MGAM2: variants seen among roughly 807,000 people sequenced by gnomAD.
MGAM2 encodes probable maltase-glucoamylase 2.
A neutral mutation model predicts 96.1 loss-of-function variants in MGAM2; 98 were observed. The observed-to-expected ratio is 1.02, with a 90% CI of 0.87 to 1.21. MGAM2 has a LOEUF of 1.21. Ranked by LOEUF, MGAM2 falls within the 50% of genes most tolerant of loss-of-function variation. MGAM2 has a pLI of 0.00. For missense variants in MGAM2, 2,055 were observed against 1,182.4 expected, an observed-to-expected ratio of 1.74 and a Z score of -10.82; for synonymous variants, 749 against 414.8, an observed-to-expected ratio of 1.81 and a Z score of -9.79.
At chr7:142,132,978 CAT>C (rs1353629226) in intron 6 of MGAM2, among the ~76,000 whole-genome samples, 1 of 129,408 alleles carries the variant, frequency 7.7e-6, no homozygotes, top group East Asian at 2.3e-4. Flanking sequence ...AAATATTTAA[CAT>C]ATATTTAATA....
chr7:142,193,055 A>G (rs1409766581), intron 37 of MGAM2, among the ~76,000 whole-genome samples: 1 of 152,154 alleles, frequency 6.6e-6, no homozygotes, highest in Non-Finnish European at 1.5e-5. Flanking sequence ...GCTTTTGCCT[A>G]TATCCTCCTC....
intron 45 of MGAM2, among the ~76,000 whole-genome samples, chr7:142,201,071 C>CTTTTTTTTTTTTTTTTTTTTTTTTTTTTT (rs72092512): frequency 2.4e-5 from 2 of 84,364 alleles, no homozygotes; most frequent in Non-Finnish European, 4.3e-5. Context: ...CATCCTTTTT[C>CTTTTTTTTTTTTTTTTTTTTTTTTTTTTT]TTTTTTTTTT....
intron 19 of MGAM2, among the ~76,000 whole-genome samples, chr7:142,158,891 T>C (rs931863923): frequency 6.6e-6 from 1 of 152,174 alleles, no homozygotes; most frequent in African/African-American, 2.4e-5. Context: ...ATTGCCAGTG[T>C]AGCCATGTCA....
In MGAM2 at chr7:142,148,702, C is replaced by T. The variant is rs1795462914; in HGVS notation, c.1634+1129C>T. Among the ~76,000 whole-genome samples, 1 of 152,228 alleles carries T rather than the reference C, an allele frequency of 6.6e-6. No individual in the cohort carries two copies. Among genetic ancestry groups the T allele is most frequent in the South Asian group, 2.1e-4 (1 of 4,836 alleles). ...TGAATTTGCAGCACAGATGCGGAAA[C>T]TAAAGAGCTGCTGTGGATCCTCCAG... On this transcript the variant is annotated intron_variant, in intron 15 of 47. Transcript: ENST00000477922. The surrounding 1 kb of genome is among the most constrained non-coding windows in gnomAD (Gnocchi z 4.2).
At chr7:142,196,976 C>G (rs1341852897) in intron 40 of MGAM2, among the ~76,000 whole-genome samples, 160 bp downstream of exon 40, 1 of 152,168 alleles carries the variant, frequency 6.6e-6, no homozygotes, top group Non-Finnish European at 1.5e-5. Context: ...CTGGAATTAT[C>G]AGTAATTTTT....
At chr7:142,153,545 C>A (rs747805911) in intron 15 of MGAM2, among the ~76,000 whole-genome samples, 1 of 152,094 alleles carries the variant, frequency 6.6e-6, no homozygotes, top group Non-Finnish European at 1.5e-5. Context: ...CAGAGGTGTA[C>A]CAGCTGGTGC....
intron 21 of MGAM2, 69 bp from the exon 22 acceptor site, chr7:142,161,056 G>T: frequency 1.5e-6 from 1 of 688,040 alleles, no homozygotes; most frequent in Non-Finnish European, 2.7e-6. Context: ...CCTGGGGGAT[G>T]AAGGTGGCTG....
At chr7:142,180,842 G>A (rs1796515625) in intron 32 of MGAM2, among the ~76,000 whole-genome samples, 1 of 152,072 alleles carries the variant, frequency 6.6e-6, no homozygotes. Context: ...GTTAATACTT[G>A]CAATTGTGTT....
intron 26 of MGAM2, among the ~76,000 whole-genome samples, chr7:142,169,538 C>T (rs1383775366): frequency 6.6e-6 from 1 of 152,156 alleles, no homozygotes; most frequent in Non-Finnish European, 1.5e-5. Flanking sequence ...CCTTCCATAA[C>T]ATTTTTCACT....
chr7:142,112,337 A>G (rs1254568786), intron 1 of MGAM2, among the ~76,000 whole-genome samples: 1 of 152,152 alleles, frequency 6.6e-6, no homozygotes, highest in Non-Finnish European at 1.5e-5. Flanking sequence ...TTCCTGAGCT[A>G]AGGTGCTGAA....
intron 8 of MGAM2, among the ~76,000 whole-genome samples, 154 bp downstream of exon 8, chr7:142,136,794 T>C (rs6950381): frequency 0.11 from 16,820 of 152,216 alleles, 1,891 homozygotes; most frequent in African/African-American, 0.29. Flanking sequence ...AGTAGGTTAA[T>C]CTGTCTACAA....
chr7:142,172,257 T>G lies in MGAM2; in HGVS notation c.3448+63T>G, dbSNP rs146410241. On this transcript the variant is annotated intron_variant, in intron 29 of 47. Coordinates refer to ENST00000477922, the MANE Select transcript of MGAM2 (RefSeq NM_001293626.2). Reference sequence around the variant, plus strand: ...CAGCTGTGACCGCTCTATTTTGACCTGGTATCAATAGAAATAGAGACATTC... The same window carrying G: ...CAGCTGTGACCGCTCTATTTTGACCGGGTATCAATAGAAATAGAGACATTC... The G allele has an allele frequency of 7.7e-3, 4,979 of 647,480 alleles. 60 individuals are homozygous for G. Among genetic ancestry groups the G allele is most frequent in the East Asian group, 0.027 (989 of 36,142 alleles). 40.1% of individuals were successfully genotyped at this position (647,480 alleles called of 1,614,324 possible). A position where few individuals can be genotyped will look rare whatever the true frequency, so the allele number is the denominator to read the frequency against.
At chr7:142,160,904 C>T (rs1024540681) in intron 21 of MGAM2, among the ~76,000 whole-genome samples, 1 of 152,214 alleles carries the variant, frequency 6.6e-6, no homozygotes, top group Admixed American at 6.5e-5. Flanking sequence ...CAAACAGTTG[C>T]CTGTAGGAAC....
intron 32 of MGAM2, among the ~76,000 whole-genome samples, chr7:142,177,475 T>C (rs1047892008): frequency 1.3e-5 from 2 of 152,138 alleles, no homozygotes; most frequent in African/African-American, 4.8e-5. Flanking sequence ...ACCCAGATAG[T>C]GAACATAGCA....
chr7:142,170,042 C>G (rs761902553), intron 26 of MGAM2, 33 bp from the exon 27 acceptor site: 1 of 684,972 alleles, frequency 1.5e-6, no homozygotes, highest in Admixed American at 2.2e-5. Context: ...GTCTGAGACC[C>G]TAACAGAAAG....
At chr7:142,159,166 T>G in intron 19 of MGAM2, 121 bp from the exon 20 acceptor site, 2 of 621,420 alleles carry the variant, frequency 3.2e-6, no homozygotes, top group East Asian at 2.8e-5. Context: ...CTTTGTAGAA[T>G]GGGATGATCT....
chr7:142,171,500 C>T (rs887596071), intron 28 of MGAM2, 60 bp downstream of exon 28: 1 of 676,568 alleles, frequency 1.5e-6, no homozygotes, highest in African/African-American at 1.8e-5. Context: ...TCTTTTAATC[C>T]TTATGCTTAT....
intron 36 of MGAM2, 121 bp downstream of exon 36, chr7:142,187,955 A>C: frequency 1.7e-6 from 1 of 604,370 alleles, no homozygotes; most frequent in East Asian, 2.8e-5. Flanking sequence ...CATGACATGA[A>C]ATCCCAAGTA....
Position 142,221,987 on chromosome 7 carries a change from T to C in MGAM2, c.7476T>C (p.Asp2492=), listed in dbSNP as rs1797945810. ...ATGCTTTAAATACTACCACTCCTGATAGTACAGTACATACCTCTGCTACTG... is the reference window on the plus strand; with the variant it reads ...ATGCTTTAAATACTACCACTCCTGACAGTACAGTACATACCTCTGCTACTG... ...TKYALNTTTP[D]STVHTSATAP... is the part of the protein sequence containing the mutation. The change falls in exon 48 of 48, where the codon GAT becomes GAC. Residue 2492 remains aspartate (D), a synonymous_variant. Transcript: ENST00000477922. 3 of 399,150 alleles carry C rather than the reference T, an allele frequency of 7.5e-6. No homozygotes were observed. The highest frequency in any genetic ancestry group is 3.6e-5 in the East Asian group (1 of 28,084). The allele number at this position is 399,150 out of a possible 1,614,324, so 24.7% of individuals were successfully genotyped here.
Sources: allele counts gnomAD v4.1 joint callset (sites outside exome capture counted in the v4.1 genomes callset), GRCh38; gene constraint gnomAD v4.1.1; non-coding constraint Gnocchi (gnomAD v3.1); transcripts MANE v1.5; gene names NCBI Gene and HGNC (gene_info 2026-07-23, HGNC 2026-07-21).